ABCA1: variants seen among roughly 807,000 people sequenced by gnomAD.
The protein encoded by ABCA1 is phospholipid-transporting ATPase ABCA1.
ABCA1 carries 133 observed loss-of-function variants against 262.5 expected under a neutral mutation model. The observed-to-expected ratio is 0.51, with a 90% CI of 0.44 to 0.59. ABCA1 has a LOEUF of 0.59. ABCA1 is among the 20% of genes least tolerant of loss of function. The pLI is 0.00. For missense variants in ABCA1, 2,452 were observed against 2,777.5 expected (o/e 0.88, Z 2.63); for synonymous variants, 1,022 against 1,043.5 (o/e 0.98, Z 0.40).
chr9:104,888,104 G>A (rs1839366626), intron 3 of ABCA1, among the ~76,000 whole-genome samples: 1 of 149,436 alleles, frequency 6.7e-6, no homozygotes, highest in Non-Finnish European at 1.5e-5. Flanking sequence ...ATATGACTAT[G>A]TGTGATGTGC....
chr9:104,845,233 T>G (rs1834757747), intron 8 of ABCA1, among the ~76,000 whole-genome samples: 1 of 152,194 alleles, frequency 6.6e-6, no homozygotes, highest in Non-Finnish European at 1.5e-5. Context: ...ATGGAGAAGG[T>G]TCTAAACTAG....
chr9:104,816,290 C>T lies in ABCA1; in HGVS notation c.3591G>A (p.Val1197=), dbSNP rs557134809. 2.5e-6 allele frequency: 4 copies of T among 1,614,082 alleles called. No homozygotes were observed. The Admixed American group carries it at 6.7e-5, about 27-fold the overall frequency. The change falls in exon 25 of 50, where the codon GTG becomes GTA. Residue 1197 remains valine (V), a synonymous_variant. Coordinates refer to ENST00000374736, the MANE Select transcript of ABCA1 (RefSeq NM_005502.4). The part of the protein sequence containing the change: ...IRKHVSEARL[V]EDIGHELTYV... ...AGGTCAGCTCATGCCCTATGTCTTC[C>T]ACCAGCCGGGCTTCAGACACATGCT...
At position 104,830,551 on chromosome 9, in the gene ABCA1, G is replaced by A. The variant is rs186186005; in HGVS notation, c.1892+374C>T. 6.1e-4 allele frequency among the ~76,000 whole-genome samples: 93 copies of A among 152,152 alleles called. 2 individuals are homozygous for A. The highest frequency in any genetic ancestry group is 5.2e-3 in the Admixed American group (79 of 15,286). ...CTAAAATACAAAAAGTCAGCCGGGC[G>A]TGGCAGCATGAGCCTGTAGTCCCAG... On this transcript the variant is annotated intron_variant, in intron 14 of 49. Coordinates refer to ENST00000374736, the MANE Select transcript of ABCA1 (RefSeq NM_005502.4).
intron 1 of ABCA1, among the ~76,000 whole-genome samples, chr9:104,910,751 T>C (rs1023185521): frequency 2.6e-5 from 4 of 152,186 alleles, no homozygotes; most frequent in Admixed American, 6.5e-5. Context: ...GGTGCCCAGG[T>C]TGGAGTGCAG....
intron 9 of ABCA1, among the ~76,000 whole-genome samples, 158 bp from the exon 10 acceptor site, chr9:104,837,725 G>A (rs1833950140): frequency 6.6e-6 from 1 of 152,136 alleles, no homozygotes. Flanking sequence ...TGGCTCCTCT[G>A]TAAAAGTAAA....
intron 31 of ABCA1, 134 bp downstream of exon 31, chr9:104,806,106 GA>G (rs371094891): frequency 4.6e-5 from 43 of 931,482 alleles, no homozygotes; most frequent in African/African-American, 2.2e-4. Flanking sequence ...CTCCGCCTCA[GA>G]AAAAAAAACA....
At chr9:104,786,820 A>C (rs1384516917) in intron 47 of ABCA1, 53 bp downstream of exon 47, 1 of 1,451,244 alleles carries the variant, frequency 6.9e-7, no homozygotes, top group Non-Finnish European at 9.7e-7. Flanking sequence ...CGCATATTCT[A>C]CTTGGAAAGT....
intron 17 of ABCA1, chr9:104,825,458 C>T: frequency 1.6e-6 from 1 of 606,518 alleles, no homozygotes; most frequent in Non-Finnish European, 3.0e-6. Flanking sequence ...GTGTATAAAA[C>T]ATTTTGCATG....
At chr9:104,787,046 T>A (rs932136823) in intron 46 of ABCA1, 70 bp from the exon 47 acceptor site, 5 of 1,372,076 alleles carry the variant, frequency 3.6e-6, no homozygotes, top group African/African-American at 1.4e-5. Flanking sequence ...TGTTTTTAAA[T>A]GCAGAAGCAT....
chr9:104,832,625 T>C lies in ABCA1; in HGVS notation c.1458A>G (p.Glu486=). 1 of 1,614,206 alleles carries C rather than the reference T, an allele frequency of 6.2e-7. No homozygotes were observed. The highest frequency in any genetic ancestry group is 8.5e-7 in the Non-Finnish European group (1 of 1,180,028). The change falls in exon 12 of 50, where the codon GAA becomes GAG. Residue 486 remains glutamate (E), a synonymous_variant. Transcript: ENST00000374736. ...TTGCCTGGTTAGTCTCGTTGAAAGCTTCTCTCCAGGTGTACACAGAACCAT... is the reference window on the plus strand; with the variant it reads ...TTGCCTGGTTAGTCTCGTTGAAAGCCTCTCTCCAGGTGTACACAGAACCAT... The part of the protein sequence containing the change: ...SSNGSVYTWR[E]AFNETNQAIR...
chr9:104,872,632 A>G (rs909552698), intron 5 of ABCA1, among the ~76,000 whole-genome samples: 8 of 152,218 alleles, frequency 5.3e-5, no homozygotes, highest in African/African-American at 1.9e-4. Context: ...AAATGGTATC[A>G]TTATCCGGTG....
Position 104,900,233 on chromosome 9 carries a change from T to C in ABCA1, c.66+3381A>G, listed in dbSNP as rs145748901. Among the ~76,000 whole-genome samples the C allele has an allele frequency of 5.1e-4, 77 of 152,298 alleles. No individual in the cohort carries two copies. In the East Asian group the frequency reaches 0.014, roughly 27 times the overall value. On this transcript the variant is annotated intron_variant, in intron 2 of 49. Coordinates refer to ENST00000374736, the MANE Select transcript of ABCA1 (RefSeq NM_005502.4). Reference sequence around the variant, plus strand: ...CTGGCGGCAGCACACAGGCTTTATGTATGCTTTCTATTCTTCCTAGTGCAA... The same window carrying C: ...CTGGCGGCAGCACACAGGCTTTATGCATGCTTTCTATTCTTCCTAGTGCAA...
intron 5 of ABCA1, among the ~76,000 whole-genome samples, chr9:104,881,358 C>G (rs918531480): frequency 6.6e-6 from 1 of 152,116 alleles, no homozygotes; most frequent in African/African-American, 2.4e-5. Context: ...TGGGAATCTA[C>G]TATGTGCCAG....
chr9:104,827,400 G>A (rs1043359836), intron 15 of ABCA1, among the ~76,000 whole-genome samples: 1 of 152,180 alleles, frequency 6.6e-6, no homozygotes, highest in East Asian at 1.9e-4. Context: ...ATACAACAGA[G>A]TCCAGGGCTT....
intron 46 of ABCA1, among the ~76,000 whole-genome samples, chr9:104,787,649 TC>T (rs1829042155): frequency 6.6e-6 from 1 of 152,172 alleles, no homozygotes; most frequent in South Asian, 2.1e-4. Context: ...GAAAGAATGT[TC>T]CAGAGAAAGA....
At chr9:104,785,140 C>T (rs1453809235) in intron 49 of ABCA1, among the ~76,000 whole-genome samples, 4 of 152,112 alleles carry the variant, frequency 2.6e-5, no homozygotes, top group Non-Finnish European at 5.9e-5. Context: ...ATGCCTGGCC[C>T]ATGGTAGGTG....
chr9:104,857,379 C>T (rs1486166889), intron 7 of ABCA1, among the ~76,000 whole-genome samples: 2 of 152,100 alleles, frequency 1.3e-5, no homozygotes, highest in African/African-American at 2.4e-5. Flanking sequence ...ATTACAGGTG[C>T]CCACCATCAC....
rs112617236 is a variant in ABCA1, at chr9:104,890,594, A to C, written c.67-1399T>G. Among the ~76,000 whole-genome samples, 668 of 152,084 alleles carry C rather than the reference A, an allele frequency of 4.4e-3. 8 individuals are homozygous for C. The highest frequency in any genetic ancestry group is 0.015 in the African/African-American group (621 of 41,490). On this transcript the variant is annotated intron_variant, in intron 2 of 49. Coordinates refer to ENST00000374736, the MANE Select transcript of ABCA1 (RefSeq NM_005502.4). The stretch of plus-strand genomic sequence containing the variant: ...AGACTCCGTCTCAAAAACAAACAAA[A>C]AAAAAAAGCAAAGATTTTTTTTTTT...
intron 18 of ABCA1, among the ~76,000 whole-genome samples, chr9:104,824,183 G>GAA (rs1832619991): frequency 6.6e-6 from 1 of 152,214 alleles, no homozygotes; most frequent in African/African-American, 2.4e-5. Flanking sequence ...AGGAGACCAT[G>GAA]AAATGTGTGT....
Sources: gnomAD v4.1 joint callset for allele counts (sites outside exome capture counted in the v4.1 genomes callset) on GRCh38, gnomAD v4.1.1 for gene constraint, MANE v1.5 for transcripts, NCBI Gene and HGNC (gene_info 2026-07-23, HGNC 2026-07-21) for gene names.